KDM5B: variants seen among roughly 807,000 people sequenced by gnomAD.
The protein encoded by KDM5B is lysine-specific demethylase 5B.
KDM5B carries 144 observed loss-of-function variants against 193.4 expected under a neutral mutation model. That is an observed-to-expected ratio of 0.74 (90% CI 0.65 to 0.86). The LOEUF (loss-of-function observed/expected upper bound fraction) is 0.86, where lower values mean the gene tolerates loss of function less well. Ranked by LOEUF, KDM5B falls within the 40% of genes least tolerant of loss-of-function variation. KDM5B has a pLI of 0.00. For synonymous variants in KDM5B, 668 were observed against 682.6 expected (o/e 0.98, Z 0.33); for missense variants, 1,833 against 1,886.9 (o/e 0.97, Z 0.53).
intron 5 of KDM5B, 74 bp from the exon 6 acceptor site, chr1:202,764,219 A>C (rs1656358581): frequency 5.2e-6 from 4 of 767,520 alleles, no homozygotes; most frequent in Non-Finnish European, 8.3e-6. Context: ...CTGGAATCTC[A>C]AGGTGACTAT....
chr1:202,739,471 T>TTA (rs1655219988), intron 20 of KDM5B, among the ~76,000 whole-genome samples: 2 of 152,120 alleles, frequency 1.3e-5, no homozygotes, highest in African/African-American at 2.4e-5. Flanking sequence ...TTATTTTTAT[T>TTA]TTTATTTATT....
chr1:202,799,444 G>T (rs767513569), intron 1 of KDM5B, among the ~76,000 whole-genome samples: 1 of 152,046 alleles, frequency 6.6e-6, no homozygotes, highest in Admixed American at 6.6e-5. Flanking sequence ...ACCTGAGGTC[G>T]GGAGTTCGAG....
rs1655555189 is a variant in KDM5B at position 202,746,268 on chromosome 1, T to A, written c.2072A>T (p.Gln691Leu). ...GCATGTAGTTTTGCATTTTACACAC[T>A]GACGTTCATCATCTGGCAACAGCTC... ...DFELLPDDER[Q>L]CVKCKTTCFM... Residue 691 changes from glutamine (Q) to leucine (L), a missense_variant, in exon 15 of 27, where the codon CAG (glutamine) becomes CTG (leucine). Physicochemically the swap from Gln to Leu is moderately radical, Grantham distance 113 (BLOSUM62 -2). Transcript: ENST00000367265. 1 of 1,613,264 alleles carries A rather than the reference T, an allele frequency of 6.2e-7. No individual in the cohort carries two copies. Among genetic ancestry groups the A allele is most frequent in the South Asian group, 1.1e-5 (1 of 91,056 alleles).
At position 202,756,622 on chromosome 1, in the gene KDM5B, T is replaced by C. The variant is rs541606875; in HGVS notation, c.1198-106A>G. 5.6e-6 allele frequency: 4 copies of C among 717,960 alleles called. No homozygotes were observed. The African/African-American group carries it at 7.2e-5, about 13-fold the overall frequency. 44.5% of individuals were successfully genotyped at this position (717,960 alleles called of 1,614,324 possible). ...AACAGCATCCTAAGGAAAAATTGTG[T>C]CTATAATGTTCTATAATTGATCTTA... On this transcript the variant is annotated intron_variant, in intron 9 of 26. Transcript: ENST00000367265.
chr1:202,740,450 C>T (rs535208418), intron 20 of KDM5B, among the ~76,000 whole-genome samples: 5 of 98,072 alleles, frequency 5.1e-5, no homozygotes, highest in African/African-American at 9.6e-5. Flanking sequence ...GCTGGCCGGG[C>T]GGGGGGCTGA....
rs1655056561 is a variant in KDM5B at position 202,735,493 on chromosome 1, G to C, written c.3359C>G (p.Thr1120Ser). 2 of 1,613,846 alleles carry C rather than the reference G, an allele frequency of 1.2e-6. No individual in the cohort carries two copies. The highest frequency in any genetic ancestry group is 1.7e-5 in the Admixed American group (1 of 59,988). The stretch of plus-strand genomic sequence containing the variant: ...CAGGTCACTCAGACTCTCTAATTTG[G>C]TGCTTTTTTTCTTTCCATTTGGCAA... ...EPLPNGKKKS[T>S]KLESLSDLER... Residue 1120 changes from threonine to serine, a missense_variant, in exon 22 of 27, where the codon ACC (threonine) becomes AGC (serine). Around this residue, in one of 3 missense-constraint regions of KDM5B, gnomAD observed 1,379 missense variants for 1,349.6 expected, o/e 1.02. Transcript: ENST00000367265.
At chr1:202,766,499 C>T (rs1000446464) in intron 5 of KDM5B, 3 of 432,932 alleles carry the variant, frequency 6.9e-6, no homozygotes, top group African/African-American at 6.3e-5. Context: ...CAGCGAGACT[C>T]TGTCTCTAAA....
chr1:202,764,129 AT>A lies in KDM5B; in HGVS notation c.727del (p.Ile243Ter). On this transcript the variant is annotated frameshift_variant, in exon 6 of 27. Coordinates refer to ENST00000367265, the MANE Select transcript of KDM5B (RefSeq NM_006618.5). LOFTEE classifies it high-confidence loss of function. ...GGCTTCCGTTGTCTCCTCGGGTTCTATTTTAATATTCATGGCCTTAAAAAAA... is the reference window on the plus strand; with the variant it reads ...GGCTTCCGTTGTCTCCTCGGGTTCTATTTAATATTCATGGCCTTAAAAAAA... ...RMRAEAMNIK[I>X]EPEETTEART... 6.4e-7 allele frequency: 1 copy of A among 1,552,122 alleles called. No individual in the cohort carries two copies. The highest frequency in any genetic ancestry group is 8.7e-7 in the Non-Finnish European group (1 of 1,145,666).
chr1:202,764,648 C>G (rs1385128399), intron 5 of KDM5B, among the ~76,000 whole-genome samples: 1 of 151,754 alleles, frequency 6.6e-6, no homozygotes, highest in African/African-American at 2.4e-5. Flanking sequence ...AACAAACAAA[C>G]AAACAAAAAA....
At chr1:202,785,851 G>C (rs1215677583) in intron 1 of KDM5B, among the ~76,000 whole-genome samples, 7 of 151,736 alleles carry the variant, frequency 4.6e-5, no homozygotes, top group East Asian at 3.9e-4. Flanking sequence ...AGATGATGCG[G>C]TGAGCAGAGA....
At chr1:202,733,317 T>C (rs996391684) in intron 23 of KDM5B, 84 bp downstream of exon 23, 10 of 1,488,682 alleles carry the variant, frequency 6.7e-6, no homozygotes, top group East Asian at 4.6e-5. Flanking sequence ...ACCAAGGGAA[T>C]AGCAACACCA....
intron 4 of KDM5B, among the ~76,000 whole-genome samples, chr1:202,772,863 A>T (rs1572750985): frequency 6.8e-6 from 1 of 148,016 alleles, no homozygotes; most frequent in South Asian, 2.1e-4. Context: ...TGCCCAGCAA[A>T]TTTTTGTATT....
chr1:202,740,487 C>A (rs1334363298), intron 20 of KDM5B, among the ~76,000 whole-genome samples, 187 bp downstream of exon 20: 1 of 136,076 alleles, frequency 7.3e-6, no homozygotes, highest in Non-Finnish European at 1.6e-5. Context: ...CCGGACGGGG[C>A]GGCTGGCCGG....
At chr1:202,778,453 A>G (rs1657054153) in intron 1 of KDM5B, among the ~76,000 whole-genome samples, 1 of 152,172 alleles carries the variant, frequency 6.6e-6, no homozygotes, top group African/African-American at 2.4e-5. Context: ...AGACAATGGT[A>G]ATGGCTGTAC....
At chr1:202,734,213 C>T (rs1655008214) in intron 22 of KDM5B, among the ~76,000 whole-genome samples, 1 of 150,622 alleles carries the variant, frequency 6.6e-6, no homozygotes, top group African/African-American at 2.4e-5. Context: ...TTCCAATCAC[C>T]ACATCTATCC....
intron 25 of KDM5B, among the ~76,000 whole-genome samples, chr1:202,730,505 C>A (rs1163541014): frequency 6.6e-6 from 1 of 152,182 alleles, no homozygotes; most frequent in Non-Finnish European, 1.5e-5. Flanking sequence ...TGAACACATT[C>A]AATGATTGTG....
At chr1:202,735,398 A>C in intron 22 of KDM5B, 31 bp downstream of exon 22, 2 of 1,593,486 alleles carry the variant, frequency 1.3e-6, no homozygotes, top group South Asian at 2.3e-5. Context: ...TCCCAATAAC[A>C]TAGAAAGGAG....
At chr1:202,758,538 G>A in intron 8 of KDM5B, 28 bp from the exon 9 acceptor site, 1 of 1,566,158 alleles carries the variant, frequency 6.4e-7, no homozygotes, top group Non-Finnish European at 8.7e-7. Flanking sequence ...TACGTTCTAG[G>A]TGACACTGAA....
intron 1 of KDM5B, among the ~76,000 whole-genome samples, chr1:202,782,522 G>C (rs1318761979): frequency 1.3e-5 from 2 of 152,112 alleles, no homozygotes; most frequent in Non-Finnish European, 2.9e-5. Flanking sequence ...TAAATGGGGG[G>C]TAGGGGAAGC....
Sources: allele counts gnomAD v4.1 joint callset (sites outside exome capture counted in the v4.1 genomes callset), GRCh38; gene constraint gnomAD v4.1.1; regional missense constraint gnomAD v4.1.1; transcripts MANE v1.5; gene names NCBI Gene and HGNC (gene_info 2026-07-23, HGNC 2026-07-21).